Variants in DISP1 observed in about 807,000 individuals in gnomAD.
The protein encoded by DISP1 is protein dispatched homolog 1.
Under a neutral mutation model 37.3 loss-of-function variants are expected in DISP1, and 30 were observed. That is an observed-to-expected ratio of 0.80 (90% CI 0.60 to 1.09). The LOEUF is 1.09. Ranked by LOEUF, DISP1 falls within the 50% of genes least tolerant of loss-of-function variation. The pLI, the probability that DISP1 is intolerant of heterozygous loss-of-function variation, is 0.00. For synonymous variants in DISP1, 634 were observed against 690.2 expected (o/e 0.92, Z 1.28); for missense variants, 1,598 against 1,879.5 (o/e 0.85, Z 2.77).
At position 222,995,618 on chromosome 1, in the gene DISP1, C is replaced by T. The variant is rs370915445; in HGVS notation, c.987+636C>T. On this transcript the variant is annotated intron_variant, in intron 8 of 8. Transcript: ENST00000675850. ...TCTTCTCTACAGCCAAAAACATGTC[C>T]GCATCAGAAAATGTAGTGAGCTTCT... 3.9e-5 allele frequency among the ~76,000 whole-genome samples: 6 copies of T among 152,094 alleles called. No homozygotes were observed. In the East Asian group the frequency reaches 5.8e-4, roughly 15 times the overall value.
intron 1 of DISP1, among the ~76,000 whole-genome samples, chr1:222,869,979 C>T (rs888086138): frequency 1.3e-5 from 2 of 152,004 alleles, no homozygotes; most frequent in African/African-American, 4.8e-5. Flanking sequence ...GTGATGTTCC[C>T]CTTCCTGTGT....
intron 4 of DISP1, among the ~76,000 whole-genome samples, chr1:222,985,608 C>G (rs1278334593): frequency 6.6e-6 from 1 of 152,100 alleles, no homozygotes; most frequent in Non-Finnish European, 1.5e-5. Context: ...CAAGATCGTG[C>G]CACTGCACTC....
intron 3 of DISP1, among the ~76,000 whole-genome samples, chr1:222,952,196 G>A (rs185006524): frequency 9.9e-5 from 15 of 152,164 alleles, no homozygotes; most frequent in Non-Finnish European, 1.9e-4. Context: ...ATAAACCATT[G>A]GCTTTTCAAT....
chr1:222,943,963 G>T (rs1015669151), intron 3 of DISP1, among the ~76,000 whole-genome samples: 1 of 151,918 alleles, frequency 6.6e-6, no homozygotes, highest in African/African-American at 2.4e-5. Context: ...CTGGGAGGTG[G>T]AGGTTGTGGT....
intron 1 of DISP1, among the ~76,000 whole-genome samples, chr1:222,899,258 G>A (rs545054078): frequency 6.6e-6 from 1 of 152,228 alleles, no homozygotes; most frequent in South Asian, 2.1e-4. Context: ...TGTGGGGGGA[G>A]CAAGAAAATA....
chr1:222,828,436 T>C (rs1664949639), intron 1 of DISP1, among the ~76,000 whole-genome samples: 2 of 152,244 alleles, frequency 1.3e-5, no homozygotes, highest in South Asian at 2.1e-4. Context: ...ATAAGAACTA[T>C]TTTTATCAGA....
At chr1:222,980,410 A>AGT (rs3028495) in intron 3 of DISP1, among the ~76,000 whole-genome samples, 79,810 of 147,888 alleles carry the variant, frequency 0.54, 22,841 homozygotes, top group East Asian at 0.66. Context: ...GATGTAACAA[A>AGT]GTGTGTGTGT....
chr1:223,000,969 TGATAG>T (rs1170058857), intron 8 of DISP1, among the ~76,000 whole-genome samples: 1 of 152,226 alleles, frequency 6.6e-6, no homozygotes, highest in Non-Finnish European at 1.5e-5. Context: ...TGAGGGAAAC[TGATAG>T]GACCAGGTCA....
At chr1:222,930,587 T>C (rs965692461) in intron 2 of DISP1, among the ~76,000 whole-genome samples, 3 of 152,058 alleles carry the variant, frequency 2.0e-5, no homozygotes, top group Non-Finnish European at 4.4e-5. Context: ...AGATAGTAGG[T>C]GCTTACCAAA....
At chr1:222,957,830 A>G (rs1299004871) in intron 3 of DISP1, among the ~76,000 whole-genome samples, 2 of 152,124 alleles carry the variant, frequency 1.3e-5, no homozygotes, top group Non-Finnish European at 2.9e-5. Flanking sequence ...CTTGCTTTCT[A>G]CTTAGGACCA....
intron 1 of DISP1, among the ~76,000 whole-genome samples, chr1:222,834,938 A>G (rs1023847887): frequency 1.3e-5 from 2 of 152,238 alleles, no homozygotes; most frequent in Non-Finnish European, 2.9e-5. Flanking sequence ...TTAAGTATAC[A>G]GCAGGCATTC....
chr1:222,890,393 G>A (rs1489449541), intron 1 of DISP1, among the ~76,000 whole-genome samples: 4 of 152,094 alleles, frequency 2.6e-5, no homozygotes, highest in African/African-American at 9.7e-5. Flanking sequence ...GAGTAATACA[G>A]GGAGAACTAA....
intron 1 of DISP1, among the ~76,000 whole-genome samples, chr1:222,876,457 C>T (rs1669980872): frequency 6.6e-6 from 1 of 152,016 alleles, no homozygotes; most frequent in African/African-American, 2.4e-5. Flanking sequence ...TACATATGTA[C>T]AAGGAGACAA....
intron 1 of DISP1, among the ~76,000 whole-genome samples, chr1:222,847,557 T>A (rs1439571850): frequency 5.9e-5 from 9 of 152,350 alleles, no homozygotes; most frequent in Admixed American, 5.9e-4. Flanking sequence ...TAAATAACTA[T>A]AAGTTTACAC....
chr1:222,864,837 AG>A (rs1478236786), intron 1 of DISP1, among the ~76,000 whole-genome samples: 1 of 152,162 alleles, frequency 6.6e-6, no homozygotes, highest in Non-Finnish European at 1.5e-5. Flanking sequence ...GAATGCTTGA[AG>A]GTAACTTATG....
intron 1 of DISP1, among the ~76,000 whole-genome samples, chr1:222,865,466 G>A (rs1392648193): frequency 6.6e-6 from 1 of 152,000 alleles, no homozygotes; most frequent in Non-Finnish European, 1.5e-5. Context: ...TAAATGAATA[G>A]AAAAATCAGA....
chr1:222,866,612 G>A (rs1172105813), intron 1 of DISP1, among the ~76,000 whole-genome samples: 2 of 152,058 alleles, frequency 1.3e-5, no homozygotes, highest in East Asian at 3.9e-4. Flanking sequence ...CAAAGTGCTG[G>A]GATTACAGGT....
At chr1:222,837,404 T>C in intron 1 of DISP1, 1 of 220,656 alleles carries the variant, frequency 4.5e-6, no homozygotes, top group Non-Finnish European at 8.8e-6. Flanking sequence ...TTTTTTGGTA[T>C]TTCTTTGTTA....
intron 1 of DISP1, among the ~76,000 whole-genome samples, chr1:222,915,454 G>A (rs1672445852): frequency 6.6e-6 from 1 of 152,208 alleles, no homozygotes; most frequent in Admixed American, 6.5e-5. Context: ...CAGTGTGATT[G>A]AGGGCTGTGT....
Sources: gnomAD v4.1 joint callset for allele counts (sites outside exome capture counted in the v4.1 genomes callset) on GRCh38, gnomAD v4.1.1 for gene constraint, MANE v1.5 for transcripts, NCBI Gene and HGNC (gene_info 2026-07-23, HGNC 2026-07-21) for gene names.